USP47: variants seen among roughly 807,000 people sequenced by gnomAD.
USP47 encodes the protein ubiquitin specific peptidase 47.
In USP47, 35 loss-of-function variants were observed where a neutral mutation model predicts 165.1. The ratio of observed to expected loss-of-function variants is 0.21; its 90% CI spans 0.16 to 0.28. The LOEUF is 0.28. Ranked by LOEUF, USP47 falls within the 10% of genes least tolerant of loss-of-function variation. The probability of loss-of-function intolerance (pLI) is 1.00; values close to 1 mark genes in which losing one functional copy is unlikely to be tolerated. For missense variants in USP47, 1,277 were observed against 1,607.4 expected (o/e 0.79, Z 3.52); for synonymous variants, 531 against 544.5 (o/e 0.98, Z 0.35).
chr11:11,843,421 AG>A (rs1356489807), intron 1 of USP47, among the ~76,000 whole-genome samples: 1 of 152,240 alleles, frequency 6.6e-6, no homozygotes, highest in Non-Finnish European at 1.5e-5. Flanking sequence ...TGTGCAAAGC[AG>A]ATAAACAGAT....
chr11:11,902,543 A>C (rs1355031281), intron 5 of USP47, among the ~76,000 whole-genome samples, 172 bp from the exon 6 acceptor site: 2 of 152,166 alleles, frequency 1.3e-5, no homozygotes, highest in African/African-American at 4.8e-5. Context: ...TTCTGAATTT[A>C]TGAATTAGGG....
chr11:11,864,600 A>G (rs1307057828), intron 1 of USP47, among the ~76,000 whole-genome samples: 1 of 152,076 alleles, frequency 6.6e-6, no homozygotes, highest in Non-Finnish European at 1.5e-5. Context: ...TGACTAGTGT[A>G]GATATCTCAT....
intron 1 of USP47, among the ~76,000 whole-genome samples, chr11:11,873,089 A>G (rs867470094): frequency 1.3e-5 from 2 of 152,210 alleles, no homozygotes; most frequent in African/African-American, 2.4e-5. Context: ...AATGGTGGCT[A>G]TTTTAGAGTT....
At chr11:11,846,548 A>G (rs1564848286) in intron 1 of USP47, among the ~76,000 whole-genome samples, 2 of 152,084 alleles carry the variant, frequency 1.3e-5, no homozygotes, top group Non-Finnish European at 2.9e-5. Context: ...TCATGCAATC[A>G]CTACTTCTGT....
chr11:11,952,517 A>T, intron 24 of USP47: 1 of 311,842 alleles, frequency 3.2e-6, no homozygotes, highest in African/African-American at 2.2e-5. Flanking sequence ...TGGAATTAGG[A>T]GTACTGGTTT....
At chr11:11,933,487 A>G (rs995329689) in intron 15 of USP47, among the ~76,000 whole-genome samples, 7 of 152,182 alleles carry the variant, frequency 4.6e-5, no homozygotes, top group African/African-American at 1.7e-4. Context: ...AATAATCATA[A>G]TTACTGTAAT....
intron 7 of USP47, 26 bp downstream of exon 7, chr11:11,903,368 G>A (rs1852350125): frequency 1.3e-6 from 2 of 1,588,560 alleles, no homozygotes; most frequent in African/African-American, 1.3e-5. Context: ...CAAATCAAGG[G>A]GACTGTTTCC....
chr11:11,955,096 T>G lies in USP47; in HGVS notation c.3825T>G (p.Asn1275Lys). The change falls in exon 27 of 28, where the codon AAT becomes AAG. Residue 1275 changes from asparagine to lysine, a missense_variant. By Grantham distance (94) the Asn-to-Lys change is moderately conservative (BLOSUM62 0). Around this residue, in one of 4 missense-constraint regions of USP47, gnomAD observed 909 missense variants for 1,068.1 expected, o/e 0.85. Transcript: ENST00000527733. ...ATATTCATCAGGATTTAGACTGGAA[T>G]CCTAAAGTTTCTACCCTGAATGTCT... ...VLDIHQDLDW[N>K]PKVSTLNVWP... is the part of the protein sequence containing the mutation. 3 of 1,613,960 alleles carry G rather than the reference T, an allele frequency of 1.9e-6. No homozygotes were observed. The highest frequency in any genetic ancestry group is 2.5e-6 in the Non-Finnish European group (3 of 1,179,920).
At position 11,934,178 on chromosome 11, in the gene USP47, A is replaced by T. The variant is rs530630999; in HGVS notation, c.1869+243A>T. Among the ~76,000 whole-genome samples the T allele has an allele frequency of 1.1e-3, 170 of 152,248 alleles. 1 individual carries two copies. The highest frequency in any genetic ancestry group is 1.5e-3 in the South Asian group (7 of 4,826). Reference sequence around the variant, plus strand: ...ATCCCAGAATTAAAATTAGGAACAGAATGTTTATTTGCTCTTTCTATTCAT... The same window carrying T: ...ATCCCAGAATTAAAATTAGGAACAGTATGTTTATTTGCTCTTTCTATTCAT... On this transcript the variant is annotated intron_variant, in intron 16 of 27. Transcript: ENST00000527733.
intron 1 of USP47, among the ~76,000 whole-genome samples, chr11:11,865,568 G>A (rs548226085): frequency 2.6e-5 from 4 of 151,832 alleles, no homozygotes; most frequent in Admixed American, 6.6e-5. Context: ...GTTTAGTTTT[G>A]TGAGTAACCA....
chr11:11,908,158 C>G (rs1055928740), intron 8 of USP47, among the ~76,000 whole-genome samples: 1 of 152,082 alleles, frequency 6.6e-6, no homozygotes, highest in African/African-American at 2.4e-5. Context: ...CATGTACACA[C>G]TGATGGTTAT....
chr11:11,873,281 C>T (rs907009642), intron 1 of USP47, among the ~76,000 whole-genome samples: 1 of 151,974 alleles, frequency 6.6e-6, no homozygotes, highest in African/African-American at 2.4e-5. Context: ...GAGATTATCT[C>T]TTGATTATAG....
intron 5 of USP47, among the ~76,000 whole-genome samples, chr11:11,901,111 C>T (rs140750471): frequency 2.7e-3 from 416 of 152,226 alleles, no homozygotes; most frequent in Non-Finnish European, 4.5e-3. Flanking sequence ...GTGAAATGTA[C>T]TTCATTGACT....
At chr11:11,889,442 G>A (rs963547089) in intron 3 of USP47, among the ~76,000 whole-genome samples, 3 of 152,030 alleles carry the variant, frequency 2.0e-5, no homozygotes, top group Non-Finnish European at 4.4e-5. Context: ...GCCAAATCAC[G>A]AATGAACTCC....
intron 11 of USP47, among the ~76,000 whole-genome samples, chr11:11,923,994 A>T (rs1267345466): frequency 6.6e-6 from 1 of 152,198 alleles, no homozygotes; most frequent in African/African-American, 2.4e-5. Flanking sequence ...TCCCATCTGC[A>T]TGCCTTTTTC....
intron 4 of USP47, among the ~76,000 whole-genome samples, chr11:11,895,919 A>C (rs76151863): frequency 0.019 from 2,857 of 152,250 alleles, 66 homozygotes; most frequent in African/African-American, 0.055. Context: ...TTACTGACTT[A>C]TACTAAAAAT....
chr11:11,947,822 C>CT (rs1481980738), intron 20 of USP47, 123 bp from the exon 21 acceptor site: 8 of 957,564 alleles, frequency 8.4e-6, no homozygotes, highest in Non-Finnish European at 1.2e-5. Context: ...TAGCTAAAGT[C>CT]TAACTGAAAA....
intron 11 of USP47, among the ~76,000 whole-genome samples, chr11:11,924,153 T>C (rs1448373300): frequency 6.6e-6 from 1 of 152,218 alleles, no homozygotes; most frequent in Non-Finnish European, 1.5e-5. Context: ...TTATGTTCTT[T>C]TCCTACTTTG....
chr11:11,929,687 A>G, intron 12 of USP47, 122 bp downstream of exon 12: 1 of 1,361,088 alleles, frequency 7.3e-7, no homozygotes, highest in Non-Finnish European at 9.9e-7. Flanking sequence ...GACCCATATC[A>G]AATCTGTCTT....
Sources: allele counts gnomAD v4.1 joint callset (sites outside exome capture counted in the v4.1 genomes callset), GRCh38; gene constraint gnomAD v4.1.1; regional missense constraint gnomAD v4.1.1; transcripts MANE v1.5; gene names NCBI Gene and HGNC (gene_info 2026-07-23, HGNC 2026-07-21).